MOB3B: variants seen among roughly 807,000 people sequenced by gnomAD.
MOB3B encodes MOB kinase activator-like 2B.
A neutral mutation model predicts 18.7 loss-of-function variants in MOB3B; 7 were observed. The ratio of observed to expected loss-of-function variants is 0.37; its 90% confidence interval spans 0.21 to 0.70. The LOEUF (loss-of-function observed/expected upper bound fraction) is 0.70, where lower values mean the gene tolerates loss of function less well. Ranked by LOEUF, MOB3B falls within the 30% of genes least tolerant of loss-of-function variation. The pLI, the probability that MOB3B is intolerant of heterozygous loss-of-function variation, is 0.52. For synonymous variants in MOB3B, 111 were observed against 99.9 expected (o/e 1.11, Z -0.66); for missense variants, 253 against 281.3 (o/e 0.90, Z 0.72).
chr9:27,482,344 C>T (rs983781814), intron 1 of MOB3B, among the ~76,000 whole-genome samples: 23 of 152,132 alleles, frequency 1.5e-4, no homozygotes, highest in Admixed American at 1.4e-3. Context: ...ACCAGGTCTG[C>T]TTACACCAAG....
intron 1 of MOB3B, among the ~76,000 whole-genome samples, chr9:27,479,804 C>G (rs1317043838): frequency 6.6e-6 from 1 of 152,166 alleles, no homozygotes; most frequent in African/African-American, 2.4e-5. Context: ...AAAAGCTAAG[C>G]TCGTGCTTTG....
intron 1 of MOB3B, among the ~76,000 whole-genome samples, chr9:27,499,040 C>T (rs1819946712): frequency 6.6e-6 from 1 of 152,234 alleles, no homozygotes; most frequent in African/African-American, 2.4e-5. Context: ...CCAATAAATT[C>T]AGTAGAAAAG....
intron 2 of MOB3B, among the ~76,000 whole-genome samples, chr9:27,433,667 T>C (rs1267469537): frequency 6.6e-6 from 1 of 152,186 alleles, no homozygotes; most frequent in Non-Finnish European, 1.5e-5. Context: ...GAGGTTGCAC[T>C]GTGAATTGTC....
chr9:27,368,172 G>T (rs1305318999), intron 2 of MOB3B, among the ~76,000 whole-genome samples: 1 of 152,064 alleles, frequency 6.6e-6, no homozygotes, highest in African/African-American at 2.4e-5. Context: ...GATGCAATCG[G>T]ATCACAAGGC....
At chr9:27,371,252 C>A (rs755279406) in intron 2 of MOB3B, among the ~76,000 whole-genome samples, 12 of 152,076 alleles carry the variant, frequency 7.9e-5, no homozygotes, top group Non-Finnish European at 1.0e-4. Context: ...TTGGGGGAAC[C>A]CAGAAAGAAC....
intron 2 of MOB3B, among the ~76,000 whole-genome samples, chr9:27,363,359 C>A (rs1332935217): frequency 6.6e-6 from 1 of 152,174 alleles, no homozygotes; most frequent in Non-Finnish European, 1.5e-5. Flanking sequence ...AGCTCCGCCT[C>A]CCAGGTTCAT....
At chr9:27,458,296 T>C (rs955869050) in intron 1 of MOB3B, among the ~76,000 whole-genome samples, 1 of 152,020 alleles carries the variant, frequency 6.6e-6, no homozygotes, top group Non-Finnish European at 1.5e-5. Flanking sequence ...GTGGAAACCT[T>C]CCTCCGCACC....
At chr9:27,419,651 A>T (rs558328947) in intron 2 of MOB3B, among the ~76,000 whole-genome samples, 1 of 152,376 alleles carries the variant, frequency 6.6e-6, no homozygotes, top group East Asian at 1.9e-4. Context: ...TACAAAAATC[A>T]ACTTAAGACG....
At chr9:27,452,714 G>A (rs1316584495) in intron 2 of MOB3B, among the ~76,000 whole-genome samples, 1 of 152,186 alleles carries the variant, frequency 6.6e-6, no homozygotes, top group Non-Finnish European at 1.5e-5. Context: ...CCTGTCATTT[G>A]TGACATGAAT....
At chr9:27,386,001 G>T (rs1031653387) in intron 2 of MOB3B, among the ~76,000 whole-genome samples, 1 of 152,226 alleles carries the variant, frequency 6.6e-6, no homozygotes, top group East Asian at 1.9e-4. Context: ...AACCTGCTGA[G>T]CACTGGACAC....
At chr9:27,465,976 G>A (rs572118177) in intron 1 of MOB3B, among the ~76,000 whole-genome samples, 2 of 152,314 alleles carry the variant, frequency 1.3e-5, no homozygotes, top group African/African-American at 2.4e-5. Flanking sequence ...CTCTGACATG[G>A]CCTGGAGACA....
At chr9:27,439,167 A>G (rs556601032) in intron 2 of MOB3B, among the ~76,000 whole-genome samples, 2 of 152,334 alleles carry the variant, frequency 1.3e-5, no homozygotes, top group East Asian at 3.9e-4. Flanking sequence ...TCCTGAGGTT[A>G]CAGGGGAGGA....
intron 2 of MOB3B, among the ~76,000 whole-genome samples, chr9:27,404,419 G>GATCTCAGC (rs1320901629): frequency 7.6e-6 from 1 of 131,154 alleles, no homozygotes; most frequent in Non-Finnish European, 1.5e-5. Context: ...GCAATGGTGC[G>GATCTCAGC]ATCTCAGCTC....
chr9:27,487,298 T>A (rs1190433537), intron 1 of MOB3B, among the ~76,000 whole-genome samples: 1 of 152,174 alleles, frequency 6.6e-6, no homozygotes, highest in East Asian at 1.9e-4. Context: ...AGAAGGCACA[T>A]GTGTTTCCTG....
At chr9:27,371,007 C>T (rs1052993702) in intron 2 of MOB3B, among the ~76,000 whole-genome samples, 7 of 152,162 alleles carry the variant, frequency 4.6e-5, no homozygotes, top group African/African-American at 1.2e-4. Context: ...CGGAGAGAAA[C>T]GCATCTATCA....
chr9:27,472,464 C>A (rs1819487514), intron 1 of MOB3B, among the ~76,000 whole-genome samples: 1 of 152,118 alleles, frequency 6.6e-6, no homozygotes, highest in African/African-American at 2.4e-5. Context: ...GCCACATCCA[C>A]TGACTTCTTT....
At chr9:27,377,825 A>G (rs992125041) in intron 2 of MOB3B, among the ~76,000 whole-genome samples, 2 of 152,254 alleles carry the variant, frequency 1.3e-5, no homozygotes, top group African/African-American at 4.8e-5. Flanking sequence ...GGTTTGCCCC[A>G]GAGTAACACT....
At chr9:27,425,960 C>G (rs928486840) in intron 2 of MOB3B, among the ~76,000 whole-genome samples, 1 of 152,136 alleles carries the variant, frequency 6.6e-6, no homozygotes, top group South Asian at 2.1e-4. Flanking sequence ...AGACGTTAGA[C>G]GAAATAGCCC....
At chr9:27,439,829 T>C (rs919300038) in intron 2 of MOB3B, among the ~76,000 whole-genome samples, 2 of 152,194 alleles carry the variant, frequency 1.3e-5, no homozygotes, top group Non-Finnish European at 2.9e-5. Context: ...AGACCTACTA[T>C]GGACCTTTAT....
Sources: allele counts gnomAD v4.1 joint callset (sites outside exome capture counted in the v4.1 genomes callset), GRCh38; gene constraint gnomAD v4.1.1; transcripts MANE v1.5; gene names NCBI Gene and HGNC (gene_info 2026-07-23, HGNC 2026-07-21).